Variants in DENND2B observed in about 807,000 individuals in gnomAD.
DENND2B encodes DENN domain-containing protein 2B.
DENND2B carries 32 observed loss-of-function variants against 116.0 expected under a neutral mutation model. The observed-to-expected ratio is 0.28, with a 90% CI of 0.21 to 0.37. The LOEUF (loss-of-function observed/expected upper bound fraction) is 0.37, where lower values mean the gene tolerates loss of function less well. Ranked by LOEUF, DENND2B falls within the 10% of genes least tolerant of loss-of-function variation. The pLI is 1.00. For missense variants in DENND2B, 1,276 were observed against 1,477.7 expected (o/e 0.86, Z 2.24); for synonymous variants, 588 against 583.9 (o/e 1.01, Z -0.10).
At chr11:8,826,155 C>T (rs950141343) in intron 4 of DENND2B, among the ~76,000 whole-genome samples, 3 of 152,134 alleles carry the variant, frequency 2.0e-5, no homozygotes, top group Non-Finnish European at 2.9e-5. Context: ...GAATAAAGAA[C>T]GCTCACAGAA....
intron 1 of DENND2B, among the ~76,000 whole-genome samples, chr11:8,794,024 G>A (rs374453170): frequency 7.9e-5 from 12 of 152,246 alleles, no homozygotes; most frequent in Middle Eastern, 3.4e-3. Flanking sequence ...CTACCCAACT[G>A]TTAACAATAA....
At chr11:8,882,302 T>C (rs900147722) in intron 1 of DENND2B, among the ~76,000 whole-genome samples, 1 of 152,170 alleles carries the variant, frequency 6.6e-6, no homozygotes. Flanking sequence ...AACTCAAATG[T>C]CACCTTTTTA....
At chr11:8,762,259 T>A (rs1341195901) in intron 1 of DENND2B, among the ~76,000 whole-genome samples, 2 of 152,126 alleles carry the variant, frequency 1.3e-5, no homozygotes, top group Admixed American at 6.5e-5. Context: ...TCCTTCACTG[T>A]CTCCACTCCA....
rs762852974 is a variant in DENND2B at position 8,714,680 on chromosome 11, G to A, written c.1872C>T (p.Tyr624=). 16 of 1,614,206 alleles carry A rather than the reference G, an allele frequency of 9.9e-6. No individual in the cohort carries two copies. The East Asian group carries it at 3.3e-4, about 34-fold the overall frequency. The change falls in exon 7 of 20, where the codon TAC becomes TAT. Residue 624 remains tyrosine, a synonymous_variant. Transcript: ENST00000313726. ...ATCTCTTCTTTCCTCTCTTGGCATT[G>A]TAGATGGAGTTAATTCTTTGGACAA... is the stretch of plus-strand genomic sequence containing the variant. ...PKLVQRINSI[Y]NAKRGKKRLK... is the part of the protein sequence containing the mutation.
intron 1 of DENND2B, among the ~76,000 whole-genome samples, chr11:8,791,532 C>T (rs939794400): frequency 3.3e-5 from 5 of 152,102 alleles, no homozygotes; most frequent in Non-Finnish European, 7.4e-5. Context: ...TTTGGGAGGC[C>T]GAGGCAGGCG....
chr11:8,730,058 G>A lies in DENND2B; in HGVS notation c.1232C>T (p.Pro411Leu). The A allele has an allele frequency of 6.2e-7, 1 of 1,614,204 alleles. No homozygotes were observed. The highest frequency in any genetic ancestry group is 8.5e-7 in the Non-Finnish European group (1 of 1,180,028). ...TGGAGCAGCAGGTGTGGGTGAAGGA[G>A]GTAGACCATTACTGGGCTTACTCTT... is the stretch of plus-strand genomic sequence containing the variant. ...NPKSKPSNGL[P>L]PSPTPAAPPP... Residue 411 changes from proline to leucine, a missense_variant, in exon 3 of 20, where the codon CCT becomes CTT. Coordinates refer to ENST00000313726, the MANE Select transcript of DENND2B (RefSeq NM_213618.2). The surrounding 1 kb of genome is among the most constrained non-coding windows in gnomAD (Gnocchi z 4.1).
chr11:8,719,013 A>G, intron 4 of DENND2B: 2 of 985,734 alleles, frequency 2.0e-6, no homozygotes, highest in Non-Finnish European at 2.4e-6. Flanking sequence ...AGCAGGACTC[A>G]CTCCAGCACC....
At chr11:8,841,883 CA>C (rs1332572436) in intron 3 of DENND2B, among the ~76,000 whole-genome samples, 1 of 152,206 alleles carries the variant, frequency 6.6e-6, no homozygotes, top group Non-Finnish European at 1.5e-5. Context: ...TCTCCCCAAA[CA>C]CCTCCAGATC....
intron 4 of DENND2B, among the ~76,000 whole-genome samples, chr11:8,817,854 T>C (rs1566012306): frequency 1.3e-5 from 2 of 152,054 alleles, no homozygotes; most frequent in African/African-American, 2.4e-5. Flanking sequence ...TGTCCCTTAT[T>C]AAGTCGGAGC....
rs1371192290 is a variant in DENND2B at position 8,909,474 on chromosome 11, G to GA, written c.-256+1346dup. 1.3e-3 allele frequency among the ~76,000 whole-genome samples: 194 copies of GA among 150,640 alleles called. 1 individual carries two copies. Among genetic ancestry groups the GA allele is most frequent in the Middle Eastern group, 3.4e-3 (1 of 292 alleles). Reference sequence around the variant, plus strand: ...AGGAGAAGGAGAAGGAGAAGAAATGGAAAAAAAAAGATGGCAGAGCCAGAA... The same window carrying GA: ...AGGAGAAGGAGAAGGAGAAGAAATGGAAAAAAAAAAGATGGCAGAGCCAGAA... On this transcript the variant is annotated intron_variant, in intron 1 of 22. Coordinates refer to the DENND2B transcript ENST00000534127.
At position 8,715,750 on chromosome 11, in the gene DENND2B, C is replaced by G. The variant is rs781412615; in HGVS notation, c.1698G>C (p.Leu566=). 5 of 1,613,978 alleles carry G rather than the reference C, an allele frequency of 3.1e-6. No individual in the cohort carries two copies. The highest frequency in any genetic ancestry group is 2.7e-5 in the African/African-American group (2 of 74,944). Residue 566 remains leucine (L), a synonymous_variant, in exon 6 of 20, where the codon CTG becomes CTC. Coordinates refer to ENST00000313726, the MANE Select transcript of DENND2B (RefSeq NM_213618.2). ...GGCTGTGCCTCTTGGGTAATCGTGG[C>G]AGCCGGTGGCTCTTCCTTTCTGACC... ...GNWSERKSHR[L]PRLPKRHSHD...
intron 11 of DENND2B, chr11:8,708,280 C>T (rs1565661339): frequency 1.0e-5 from 10 of 985,470 alleles, no homozygotes; most frequent in South Asian, 4.7e-5. Context: ...AGGGCACATT[C>T]GGCATACCAT....
chr11:8,725,690 T>C (rs551217864), intron 4 of DENND2B, among the ~76,000 whole-genome samples: 88 of 152,328 alleles, frequency 5.8e-4, no homozygotes, highest in Non-Finnish European at 1.0e-3. Context: ...TTGTTGTTAA[T>C]ATAGTCACAT....
intron 1 of DENND2B, among the ~76,000 whole-genome samples, chr11:8,895,947 A>G (rs1220819727): frequency 1.3e-5 from 2 of 152,066 alleles, no homozygotes; most frequent in African/African-American, 4.8e-5. Context: ...TTTTACCACA[A>G]TTTTAGAAAT....
chr11:8,757,437 T>C (rs1050505591), intron 1 of DENND2B, among the ~76,000 whole-genome samples: 6 of 152,174 alleles, frequency 3.9e-5, no homozygotes, highest in African/African-American at 7.2e-5. Flanking sequence ...ACACAGTCCC[T>C]GCCCTGGAGA....
chr11:8,786,153 A>G (rs928303302), intron 1 of DENND2B, among the ~76,000 whole-genome samples: 5 of 152,190 alleles, frequency 3.3e-5, no homozygotes, highest in Admixed American at 6.5e-5. Flanking sequence ...TGAAAGCTAC[A>G]CAGATGTCAT....
At chr11:8,703,817 GTC>G (rs2042122503) in intron 13 of DENND2B, among the ~76,000 whole-genome samples, 1 of 152,194 alleles carries the variant, frequency 6.6e-6, no homozygotes, top group Non-Finnish European at 1.5e-5. Flanking sequence ...TGTGTCCACT[GTC>G]TCTCCCGCCT....
intron 18 of DENND2B, chr11:8,696,113 G>T: frequency 2.7e-6 from 1 of 367,100 alleles, no homozygotes; most frequent in Non-Finnish European, 5.0e-6. Context: ...TGCTCAGTCT[G>T]CTCCTTTTCT....
At chr11:8,698,822 A>T in intron 16 of DENND2B, 111 bp downstream of exon 16, 2 of 1,281,868 alleles carry the variant, frequency 1.6e-6, no homozygotes. Context: ...GTCTGTGAGT[A>T]GTACTGAACC....
Sources: gnomAD v4.1 joint callset for allele counts (sites outside exome capture counted in the v4.1 genomes callset) on GRCh38, gnomAD v4.1.1 for gene constraint, Gnocchi (gnomAD v3.1) non-coding constraint, MANE v1.5 for transcripts, NCBI Gene and HGNC (gene_info 2026-07-23, HGNC 2026-07-21) for gene names.